The following GABRB2 variants were observed in gnomAD, a reference collection of about 807,000 sequenced individuals.
GABRB2 encodes the protein gamma-aminobutyric acid receptor subunit beta-2.
A neutral mutation model predicts 54.7 loss-of-function variants in GABRB2; 16 were observed. The ratio of observed to expected loss-of-function variants is 0.29; its 90% CI spans 0.20 to 0.44. The LOEUF is 0.44. Ranked by LOEUF, GABRB2 falls within the 20% of genes least tolerant of loss-of-function variation. GABRB2 has a pLI of 1.00. For missense variants in GABRB2, 355 were observed against 644.0 expected (o/e 0.55, Z 4.86); for synonymous variants, 244 against 233.8 (o/e 1.04, Z -0.40).
At chr5:161,359,301 T>C (rs767082321) in intron 5 of GABRB2, among the ~76,000 whole-genome samples, 1 of 152,208 alleles carries the variant, frequency 6.6e-6, no homozygotes, top group Non-Finnish European at 1.5e-5. Flanking sequence ...TTCACTATTA[T>C]GTAGAGTTGA....
intron 4 of GABRB2, among the ~76,000 whole-genome samples, chr5:161,441,561 CTAAATA>C (rs1169967320): frequency 2.0e-5 from 3 of 152,114 alleles, no homozygotes; most frequent in Admixed American, 2.0e-4. Context: ...CCTCAAAAAA[CTAAATA>C]TAAAACTACC....
At chr5:161,476,370 A>T (rs1188387567) in intron 3 of GABRB2, among the ~76,000 whole-genome samples, 1 of 151,920 alleles carries the variant, frequency 6.6e-6, no homozygotes. Flanking sequence ...CCCACGGTAA[A>T]CTACAGTTTT....
chr5:161,391,737 G>A (rs80273680), intron 5 of GABRB2, among the ~76,000 whole-genome samples: 1,624 of 152,158 alleles, frequency 0.011, 34 homozygotes, highest in South Asian at 0.052. Flanking sequence ...ACGATAATAG[G>A]TACTGACCCA....
chr5:161,514,050 T>G (rs529815840), intron 3 of GABRB2, among the ~76,000 whole-genome samples: 1 of 152,250 alleles, frequency 6.6e-6, no homozygotes, highest in African/African-American at 2.4e-5. Context: ...TTTCATATAG[T>G]TGTACTCTTC....
chr5:161,417,238 G>A (rs1206086352), intron 4 of GABRB2, among the ~76,000 whole-genome samples: 1 of 152,184 alleles, frequency 6.6e-6, no homozygotes, highest in African/African-American at 2.4e-5. Context: ...TAGGAGTTAG[G>A]TGACTTTCAC....
At chr5:161,479,960 G>A (rs1262711159) in intron 3 of GABRB2, among the ~76,000 whole-genome samples, 1 of 152,006 alleles carries the variant, frequency 6.6e-6, no homozygotes, top group Non-Finnish European at 1.5e-5. Context: ...TATACTACAT[G>A]AGTATATGTG....
intron 3 of GABRB2, among the ~76,000 whole-genome samples, chr5:161,498,659 G>A (rs1016041808): frequency 8.5e-5 from 13 of 152,166 alleles, no homozygotes; most frequent in African/African-American, 3.1e-4. Flanking sequence ...CATGATCTGG[G>A]TCCAGGGTCC....
At chr5:161,527,240 A>G (rs963877599) in intron 3 of GABRB2, among the ~76,000 whole-genome samples, 1 of 151,036 alleles carries the variant, frequency 6.6e-6, no homozygotes, top group African/African-American at 2.4e-5. Context: ...TAGTAGTGAA[A>G]GGACAGATTA....
rs1757196929 is a variant in GABRB2, at chr5:161,290,166, C to A, written c.*3915G>T. On this transcript the variant is annotated 3_prime_UTR_variant, in exon 10 of 10. Transcript: ENST00000393959. ...GTTATGGTTGCTCACATTACATGTA[C>A]TCTGTACATTTAGCCAAATGGCATG... is the stretch of plus-strand genomic sequence containing the variant. 6.6e-6 allele frequency: 1 copy of A among 152,212 alleles called. No individual in the cohort carries two copies. Among genetic ancestry groups the A allele is most frequent in the African/African-American group, 2.4e-5 (1 of 41,276 alleles). 9.4% of individuals were successfully genotyped at this position (152,212 alleles called of 1,614,324 possible). A position where few individuals can be genotyped will look rare whatever the true frequency, so the allele number is the denominator to read the frequency against.
chr5:161,323,733 A>G (rs1179028982), intron 9 of GABRB2, among the ~76,000 whole-genome samples: 1 of 152,060 alleles, frequency 6.6e-6, no homozygotes, highest in Non-Finnish European at 1.5e-5. Flanking sequence ...CAAGTTAAAC[A>G]TGTTTTCTGT....
chr5:161,528,661 T>C (rs1375783282), intron 3 of GABRB2, among the ~76,000 whole-genome samples: 3 of 151,970 alleles, frequency 2.0e-5, no homozygotes, highest in South Asian at 2.1e-4. Flanking sequence ...TAAGGATTGT[T>C]TGCTTTCCAA....
intron 9 of GABRB2, among the ~76,000 whole-genome samples, chr5:161,324,852 A>C (rs964701081): frequency 6.6e-6 from 1 of 152,140 alleles, no homozygotes; most frequent in African/African-American, 2.4e-5. Context: ...TTTTCATTGA[A>C]CATTTTTGTT....
intron 4 of GABRB2, among the ~76,000 whole-genome samples, chr5:161,441,590 A>G (rs1197169893): frequency 6.6e-6 from 1 of 152,192 alleles, no homozygotes; most frequent in African/African-American, 2.4e-5. Context: ...ATGATCAGCT[A>G]TCGCACTGCT....
chr5:161,516,903 TC>T (rs1160856261), intron 3 of GABRB2, among the ~76,000 whole-genome samples: 2 of 152,040 alleles, frequency 1.3e-5, no homozygotes, highest in Non-Finnish European at 2.9e-5. Context: ...GTCTATTAGT[TC>T]CCAACCCTTC....
At chr5:161,449,870 G>C (rs1220520134) in intron 4 of GABRB2, among the ~76,000 whole-genome samples, 1 of 151,898 alleles carries the variant, frequency 6.6e-6, no homozygotes, top group East Asian at 1.9e-4. Context: ...ATGAAGACCT[G>C]GCTTCTTTCC....
At chr5:161,396,323 C>T (rs911113541) in intron 5 of GABRB2, among the ~76,000 whole-genome samples, 2 of 152,190 alleles carry the variant, frequency 1.3e-5, no homozygotes, top group African/African-American at 4.8e-5. Context: ...CTGAAGATTT[C>T]TCCTGGCTTC....
At chr5:161,323,757 G>A (rs903985109) in intron 9 of GABRB2, among the ~76,000 whole-genome samples, 1 of 152,090 alleles carries the variant, frequency 6.6e-6, no homozygotes, top group Non-Finnish European at 1.5e-5. Flanking sequence ...TTCCTCATTT[G>A]TGGGAGTGCA....
intron 3 of GABRB2, among the ~76,000 whole-genome samples, chr5:161,480,563 A>T (rs541675868): frequency 3.0e-4 from 45 of 152,170 alleles, no homozygotes; most frequent in Non-Finnish European, 5.4e-4. Flanking sequence ...TGTGTCTGAT[A>T]CAAAGAAAGT....
At chr5:161,497,833 C>A (rs1355938179) in intron 3 of GABRB2, among the ~76,000 whole-genome samples, 2 of 152,058 alleles carry the variant, frequency 1.3e-5, no homozygotes, top group Non-Finnish European at 2.9e-5. Context: ...GCTGGCCTGC[C>A]CTCAAACCCA....
Sources: gnomAD v4.1 joint callset for allele counts (sites outside exome capture counted in the v4.1 genomes callset) on GRCh38, gnomAD v4.1.1 for gene constraint, MANE v1.5 for transcripts, NCBI Gene and HGNC (gene_info 2026-07-23, HGNC 2026-07-21) for gene names.